The following NRXN1 variants were observed in gnomAD, a reference collection of about 807,000 sequenced individuals.
The protein encoded by NRXN1 is neurexin 1, also known as neurexin-1.
Under a neutral mutation model 150.9 loss-of-function variants are expected in NRXN1, and 39 were observed. The observed-to-expected ratio is 0.26, with a 90% CI of 0.20 to 0.34. NRXN1 has a LOEUF of 0.34. Among genes scored for constraint, NRXN1 ranks in the 10% least tolerant of loss-of-function variants. The pLI, the probability that NRXN1 is intolerant of heterozygous loss-of-function variation, is 1.00. For missense variants in NRXN1, 1,815 were observed against 1,949.9 expected, an observed-to-expected ratio of 0.93 and a Z score of 1.30; for synonymous variants, 924 against 757.0, an observed-to-expected ratio of 1.22 and a Z score of -3.62.
chr2:50,852,089 G>A (rs1049708043), intron 5 of NRXN1, among the ~76,000 whole-genome samples: 2 of 152,266 alleles, frequency 1.3e-5, no homozygotes, highest in Middle Eastern at 3.4e-3. Flanking sequence ...GCCAGAAGGG[G>A]AGAAAATGGG....
intron 5 of NRXN1, among the ~76,000 whole-genome samples, chr2:50,636,303 G>A (rs1487386901): frequency 1.3e-5 from 2 of 152,092 alleles, no homozygotes; most frequent in Non-Finnish European, 1.5e-5. Flanking sequence ...AATTACGAGA[G>A]TGAAACACTG....
chr2:50,496,128 T>C (rs1041055500), intron 14 of NRXN1, 33 bp from the exon 15 acceptor site: 2 of 1,529,702 alleles, frequency 1.3e-6, no homozygotes, highest in Non-Finnish European at 1.8e-6. Context: ...GAAAGTGCCA[T>C]CACTTTTTAA....
At position 51,028,001 on chromosome 2, in the gene NRXN1, G is replaced by A. The variant is rs201997966; in HGVS notation, c.273C>T (p.Leu91=). The change falls in exon 2 of 23, where the codon CTC becomes CTT. Residue 91 remains leucine, a synonymous_variant. Transcript: ENST00000401669. Reference sequence around the variant, plus strand: ...GCTCAGCGCAGAAGATGGAGAAGCTGAGCTGCAGGCGGCCGCCGCGCGTCA... The same window carrying A: ...GCTCAGCGCAGAAGATGGAGAAGCTAAGCTGCAGGCGGCCGCCGCGCGTCA... ...LILTRGGRLQ[L]SFSIFCAEPA... 2.1e-5 allele frequency: 34 copies of A among 1,600,200 alleles called. No homozygotes were observed. In the Middle Eastern group the frequency reaches 6.6e-4, roughly 31 times the overall value.
chr2:50,929,951 T>C (rs537868344), intron 2 of NRXN1, among the ~76,000 whole-genome samples: 23 of 152,192 alleles, frequency 1.5e-4, no homozygotes, highest in African/African-American at 4.8e-4. Context: ...GCTGAAGGAA[T>C]AGAAATGCGG....
At chr2:50,653,991 T>G (rs1314525503) in intron 5 of NRXN1, among the ~76,000 whole-genome samples, 1 of 151,228 alleles carries the variant, frequency 6.6e-6, no homozygotes. Flanking sequence ...TTTTTTTTTT[T>G]TCTGGTTCTC....
At chr2:49,976,928 G>A (rs902889748) in intron 21 of NRXN1, among the ~76,000 whole-genome samples, 3 of 152,140 alleles carry the variant, frequency 2.0e-5, no homozygotes, top group African/African-American at 7.2e-5. Flanking sequence ...GCAAAAAGTG[G>A]CCAAGCTAAA....
rs1443382888 is a variant in NRXN1, at chr2:50,784,074, G to C, written c.832+137795C>G. Among the ~76,000 whole-genome samples, 7 of 152,100 alleles carry C rather than the reference G, an allele frequency of 4.6e-5. 1 individual carries two copies. Among genetic ancestry groups the C allele is most frequent in the Non-Finnish European group, 1.0e-4 (7 of 68,024 alleles). Reference sequence around the variant, plus strand: ...GGTATCCAGGTAATATTGTGGTTTTGTTAGTTAAAAGTATATCTGAGTATA... The same window carrying C: ...GGTATCCAGGTAATATTGTGGTTTTCTTAGTTAAAAGTATATCTGAGTATA... On this transcript the variant is annotated intron_variant, in intron 5 of 22. Transcript: ENST00000401669.
chr2:50,082,856 A>G (rs923570423), intron 19 of NRXN1, among the ~76,000 whole-genome samples: 6 of 152,258 alleles, frequency 3.9e-5, no homozygotes, highest in African/African-American at 1.4e-4. Flanking sequence ...TTTGACTTAC[A>G]TGTCTCTATG....
intron 17 of NRXN1, among the ~76,000 whole-genome samples, chr2:50,278,296 AATATATATTTT>A (rs2070906462): frequency 1.4e-5 from 1 of 72,150 alleles, no homozygotes; most frequent in Non-Finnish European, 2.9e-5. Context: ...ATACATATAT[AATATATATTTT>A]ATATATATAT....
intron 12 of NRXN1, among the ~76,000 whole-genome samples, chr2:50,515,600 G>GGGGTGTGTGTGTGTGTGTGTGT (rs952552460): frequency 2.1e-5 from 3 of 143,426 alleles, no homozygotes; most frequent in African/African-American, 7.8e-5. Flanking sequence ...AAATGCTTGG[G>GGGGTGTGTGTGTGTGTGTGTGT]GTGTGTGTGT....
chr2:50,467,092 T>C (rs2088964803), intron 16 of NRXN1, among the ~76,000 whole-genome samples: 1 of 151,464 alleles, frequency 6.6e-6, no homozygotes, highest in Non-Finnish European at 1.5e-5. Flanking sequence ...TGCAATATAA[T>C]CCATCATAAA....
At chr2:50,805,295 A>C (rs952311056) in intron 5 of NRXN1, among the ~76,000 whole-genome samples, 1 of 152,194 alleles carries the variant, frequency 6.6e-6, no homozygotes, top group African/African-American at 2.4e-5. Context: ...TAGACATATA[A>C]GGTTACTTCT....
intron 18 of NRXN1, among the ~76,000 whole-genome samples, chr2:50,205,809 G>C (rs1381714844): frequency 1.3e-5 from 2 of 152,006 alleles, no homozygotes; most frequent in African/African-American, 4.8e-5. Flanking sequence ...TTACAACATG[G>C]ATGAACCTTG....
chr2:50,871,681 A>G (rs2106100678), intron 5 of NRXN1, among the ~76,000 whole-genome samples: 1 of 151,894 alleles, frequency 6.6e-6, no homozygotes, highest in East Asian at 2.0e-4. Context: ...GAAAGGAGAA[A>G]CTCAAAACAT....
At chr2:50,223,275 G>T (rs989673349) in intron 18 of NRXN1, among the ~76,000 whole-genome samples, 1 of 151,892 alleles carries the variant, frequency 6.6e-6, no homozygotes, top group African/African-American at 2.4e-5. Context: ...GGAGTTGATG[G>T]TTATAGCATG....
chr2:50,041,647 A>ATCTTATT (rs1690982404), intron 21 of NRXN1, among the ~76,000 whole-genome samples: 1 of 152,236 alleles, frequency 6.6e-6, no homozygotes, highest in South Asian at 2.1e-4. Context: ...AGCAAGGAAA[A>ATCTTATT]GGTAAACTCC....
chr2:49,932,052 TATGTGTGTGC>T (rs1425021610), intron 22 of NRXN1, among the ~76,000 whole-genome samples: 2 of 151,616 alleles, frequency 1.3e-5, no homozygotes, highest in East Asian at 1.9e-4. Context: ...TAATGAGGAG[TATGTGTGTGC>T]ATGTGTGTGA....
At chr2:50,433,837 T>C (rs1558724539) in intron 17 of NRXN1, among the ~76,000 whole-genome samples, 1 of 152,060 alleles carries the variant, frequency 6.6e-6, no homozygotes, top group Non-Finnish European at 1.5e-5. Flanking sequence ...AGTAGCCTGA[T>C]ACTGAGACAA....
At chr2:50,080,633 A>G (rs1697817617) in intron 19 of NRXN1, among the ~76,000 whole-genome samples, 1 of 152,218 alleles carries the variant, frequency 6.6e-6, no homozygotes, top group Non-Finnish European at 1.5e-5. Context: ...CCAATGTTAT[A>G]ATTATATCAA....
Sources: gnomAD v4.1 joint callset for allele counts (sites outside exome capture counted in the v4.1 genomes callset) on GRCh38, gnomAD v4.1.1 for gene constraint, MANE v1.5 for transcripts, NCBI Gene and HGNC (gene_info 2026-07-23, HGNC 2026-07-21) for gene names.